The following LY75 variants were observed in gnomAD, a reference collection of about 807,000 sequenced individuals.
The protein encoded by LY75 is lymphocyte antigen 75, also known as C-type lectin domain family 13 member B.
In LY75, 185 loss-of-function variants were observed where a neutral mutation model predicts 231.7. The ratio of observed to expected loss-of-function variants is 0.80; its 90% CI spans 0.71 to 0.90. The LOEUF (loss-of-function observed/expected upper bound fraction) is 0.90. LY75 is among the 40% of genes least tolerant of loss of function. The pLI, the probability that LY75 is intolerant of heterozygous loss-of-function variation, is 0.00. For missense variants in LY75, 1,947 were observed against 2,050.2 expected (o/e 0.95, Z 0.97); for synonymous variants, 668 against 689.0 (o/e 0.97, Z 0.48).
intron 28 of LY75, among the ~76,000 whole-genome samples, chr2:159,821,444 C>T (rs1396407883): frequency 1.3e-5 from 2 of 151,538 alleles, no homozygotes; most frequent in Admixed American, 6.6e-5. Flanking sequence ...GGTAAAACCC[C>T]ATCTCTACTA....
rs1349710496 is a variant in LY75 at position 159,854,922 on chromosome 2, G to T, written c.2401C>A (p.Pro801Thr). Residue 801 changes from proline to threonine, a missense_variant, in exon 17 of 35, where the codon CCA becomes ACA. By Grantham distance (38) the Pro-to-Thr change is conservative (BLOSUM62 -1). Transcript: ENST00000263636. ...QIPKGRTPKT[P>T]DWYNPDRAGI... ...AACTCACCTGGATTGTACCAGTCTGGTGTTTTTGGAGTACGGCCTGTATGA... is the reference window on the plus strand; with the variant it reads ...AACTCACCTGGATTGTACCAGTCTGTTGTTTTTGGAGTACGGCCTGTATGA... The T allele has an allele frequency of 6.2e-7, 1 of 1,613,766 alleles. No individual in the cohort carries two copies. Among genetic ancestry groups the T allele is most frequent in the Non-Finnish European group, 8.5e-7 (1 of 1,179,878 alleles).
At chr2:159,836,556 CA>C (rs1266287296) in intron 25 of LY75, among the ~76,000 whole-genome samples, 1 of 152,202 alleles carries the variant, frequency 6.6e-6, no homozygotes, top group African/African-American at 2.4e-5. Context: ...GCTGGCCTAA[CA>C]GACCCACTGA....
chr2:159,881,991 C>T, intron 7 of LY75, 133 bp downstream of exon 7: 1 of 1,100,912 alleles, frequency 9.1e-7, no homozygotes, highest in Non-Finnish European at 1.3e-6. Context: ...GTTCCATCAC[C>T]AGAGACAATC....
chr2:159,838,429 T>G (rs918712676), intron 25 of LY75, among the ~76,000 whole-genome samples: 1 of 152,142 alleles, frequency 6.6e-6, no homozygotes, highest in Non-Finnish European at 1.5e-5. Context: ...TGATTCCAAC[T>G]GTCTAAAAAA....
intron 8 of LY75, among the ~76,000 whole-genome samples, chr2:159,879,689 G>A (rs1207674737): frequency 6.6e-6 from 1 of 152,068 alleles, no homozygotes; most frequent in Non-Finnish European, 1.5e-5. Flanking sequence ...CAGCATTCTA[G>A]TCTTCTAGAC....
At chr2:159,859,696 TC>T (rs1684644034) in intron 15 of LY75, among the ~76,000 whole-genome samples, 1 of 152,220 alleles carries the variant, frequency 6.6e-6, no homozygotes, top group Admixed American at 6.5e-5. Flanking sequence ...AAATTTCAGT[TC>T]TTTCAGTTTA....
At chr2:159,890,149 A>C in intron 4 of LY75, 64 bp downstream of exon 4, 1 of 1,558,942 alleles carries the variant, frequency 6.4e-7, no homozygotes, top group South Asian at 1.2e-5. Context: ...GGATATGAAA[A>C]CAGAAGAAGA....
chr2:159,829,341 T>C (rs1027999570), intron 28 of LY75, among the ~76,000 whole-genome samples: 10 of 152,234 alleles, frequency 6.6e-5, no homozygotes, highest in Admixed American at 1.3e-4. Context: ...TTCTGACCAA[T>C]ATGATGTGCA....
intron 33 of LY75, chr2:159,807,868 T>C: frequency 1.0e-6 from 1 of 985,172 alleles, no homozygotes; most frequent in Non-Finnish European, 1.2e-6. Context: ...AAAAAATCCT[T>C]CCACAAATTT....
Position 159,904,697 on chromosome 2 carries a change from A to T in LY75, c.-15T>A. 1 of 1,419,286 alleles carries T rather than the reference A, an allele frequency of 7.0e-7. No homozygotes were observed. The highest frequency in any genetic ancestry group is 9.1e-7 in the Non-Finnish European group (1 of 1,093,618). 87.9% of individuals were successfully genotyped at this position (1,419,286 alleles called of 1,614,324 possible). A position where few individuals can be genotyped will look rare whatever the true frequency, so the allele number is the denominator to read the frequency against. ...CCTGTCCTCATCCTGAGCTGGCGCA[A>T]GCCTTCCGGCCGGGTCCTCGGGCGC... On this transcript the variant is annotated 5_prime_UTR_variant, in exon 1 of 35. The change creates a new upstream start codon in the 5' untranslated region. Coordinates refer to ENST00000263636, the MANE Select transcript of LY75 (RefSeq NM_002349.4).
At chr2:159,849,226 A>C (rs1684307443) in intron 23 of LY75, among the ~76,000 whole-genome samples, 2 of 152,240 alleles carry the variant, frequency 1.3e-5, no homozygotes, top group Non-Finnish European at 2.9e-5. Context: ...TGTCTAAGAC[A>C]TACTTTTGGA....
intron 28 of LY75, among the ~76,000 whole-genome samples, chr2:159,825,732 C>T (rs1403369398): frequency 6.6e-6 from 1 of 152,158 alleles, no homozygotes; most frequent in Non-Finnish European, 1.5e-5. Flanking sequence ...AAACCGAATC[C>T]AGCAGCACAT....
At chr2:159,853,469 CT>C in intron 19 of LY75, 117 bp from the exon 20 acceptor site, 2 of 1,471,752 alleles carry the variant, frequency 1.4e-6, no homozygotes, top group Non-Finnish European at 1.8e-6. Flanking sequence ...CTCTATACCC[CT>C]TTTTTCTTGA....
At chr2:159,868,442 A>T (rs982783500) in intron 13 of LY75, among the ~76,000 whole-genome samples, 1 of 152,198 alleles carries the variant, frequency 6.6e-6, no homozygotes, top group African/African-American at 2.4e-5. Flanking sequence ...AGGGTTTACT[A>T]TGTTTATAAT....
chr2:159,875,469 A>C lies in LY75; in HGVS notation c.1949T>G (p.Phe650Cys). 1 of 1,613,372 alleles carries C rather than the reference A, an allele frequency of 6.2e-7. No homozygotes were observed. The highest frequency in any genetic ancestry group is 8.5e-7 in the Non-Finnish European group (1 of 1,179,730). Residue 650 changes from phenylalanine to cysteine, a missense_variant, in exon 12 of 35, where the codon TTC (phenylalanine) becomes TGC (cysteine). Phe to Cys is a radical substitution (Grantham distance 205). Transcript: ENST00000263636. ...DDPCPEGWQS[F>C]PASLSCYKVF... ...CTTATAACAAGAAAGACTTGCGGGG[A>C]AACTCTGCCAGCCTTCAGGACAGGG...
At chr2:159,837,261 T>G (rs749974898) in intron 25 of LY75, among the ~76,000 whole-genome samples, 8 of 152,194 alleles carry the variant, frequency 5.3e-5, no homozygotes, top group Admixed American at 6.5e-5. Context: ...AGCAGTGGAT[T>G]GGATCAAGAA....
At chr2:159,881,540 A>G (rs919700449) in intron 7 of LY75, among the ~76,000 whole-genome samples, 1 of 152,142 alleles carries the variant, frequency 6.6e-6, no homozygotes, top group African/African-American at 2.4e-5. Flanking sequence ...ACATATCCCA[A>G]TTTGAATAGA....
chr2:159,816,062 T>G (rs889754751), intron 30 of LY75, among the ~76,000 whole-genome samples: 2 of 152,164 alleles, frequency 1.3e-5, no homozygotes, highest in Non-Finnish European at 2.9e-5. Context: ...GGGAAGACTA[T>G]TTTTGAATTT....
At chr2:159,894,720 A>C (rs1418843421) in intron 2 of LY75, among the ~76,000 whole-genome samples, 2 of 152,224 alleles carry the variant, frequency 1.3e-5, no homozygotes, top group Non-Finnish European at 1.5e-5. Flanking sequence ...GGTGTGAAAG[A>C]AGCAGCAGCT....
Sources: gnomAD v4.1 joint callset for allele counts (sites outside exome capture counted in the v4.1 genomes callset) on GRCh38, gnomAD v4.1.1 for gene constraint, MANE v1.5 for transcripts, NCBI Gene and HGNC (gene_info 2026-07-23, HGNC 2026-07-21) for gene names.